CFAP92: variants seen among roughly 807,000 people sequenced by gnomAD.
The protein encoded by CFAP92 is cilia and flagella associated protein 92 (putative), also known as uncharacterized protein CFAP92.
Under a neutral mutation model 106.3 loss-of-function variants are expected in CFAP92, and 86 were observed. The ratio of observed to expected loss-of-function variants is 0.81; its 90% CI spans 0.68 to 0.97. CFAP92 has a LOEUF of 0.97. Among genes scored for constraint, CFAP92 ranks in the 50% least tolerant of loss-of-function variants. The pLI is 0.00. For synonymous variants in CFAP92, 477 were observed against 506.4 expected, an observed-to-expected ratio of 0.94 and a Z score of 0.78; for missense variants, 1,204 against 1,283.8, an observed-to-expected ratio of 0.94 and a Z score of 0.95.
At position 128,932,951 on chromosome 3, in the gene CFAP92, C is replaced by T. The variant is rs770664006; in HGVS notation, c.2500G>A (p.Val834Met). 52 of 1,536,010 alleles carry T rather than the reference C, an allele frequency of 3.4e-5. No individual in the cohort carries two copies. The highest frequency in any genetic ancestry group is 5.5e-5 in the African/African-American group (4 of 73,026). ...GCAGAGGAGGGCAGCAGGTCCCTCA[C>T]CGTCACGTCCCAGAGGGTGGTGCTG... ...YNSTTLWDVT[V>M]RDLLPSSAMI... Residue 834 changes from valine to methionine, a missense_variant, in exon 12 of 16, where the codon GTG becomes ATG. Transcript: ENST00000645291.
chr3:128,910,294 GC>G lies in CFAP92; in HGVS notation c.*4del. 6.6e-7 allele frequency: 1 copy of G among 1,508,804 alleles called. No individual in the cohort carries two copies. The highest frequency in any genetic ancestry group is 8.8e-7 in the Non-Finnish European group (1 of 1,130,426). The allele number at this position is 1,508,804 out of a possible 1,614,324, so 93.5% of individuals were successfully genotyped here. The stretch of plus-strand genomic sequence containing the variant: ...ATGCGGTGGCCGTGGGAGGGTCTGT[GC>G]TGCTCAGGAGATGGGGCTGTTCCCT... On this transcript the variant is annotated 3_prime_UTR_variant, in exon 16 of 16. Transcript: ENST00000645291.
At chr3:128,934,207 G>C (rs1250123519) in intron 11 of CFAP92, among the ~76,000 whole-genome samples, 6 of 152,214 alleles carry the variant, frequency 3.9e-5, no homozygotes, top group Non-Finnish European at 7.3e-5. Flanking sequence ...AGGCCCCCTA[G>C]AGCCAGTGTG....
Position 128,953,653 on chromosome 3 carries a change from C to T in CFAP92, c.1354-7678G>A, listed in dbSNP as rs1400379462. 1.5e-5 allele frequency among the ~76,000 whole-genome samples: 2 copies of T among 135,268 alleles called. 1 individual carries two copies. The highest frequency in any genetic ancestry group is 6.5e-5 in the African/African-American group (2 of 30,862). 88.7% of individuals were successfully genotyped at this position (135,268 alleles called of 152,430 possible). A position where few individuals can be genotyped will look rare whatever the true frequency, so the allele number is the denominator to read the frequency against. On this transcript the variant is annotated intron_variant, in intron 9 of 15. Transcript: ENST00000645291. ...TCCGTCTCCCTCTCCCCACGGTCTCCCTCTCATGCGGAGCCGAAGCTGGAC... is the reference window on the plus strand; with the variant it reads ...TCCGTCTCCCTCTCCCCACGGTCTCTCTCTCATGCGGAGCCGAAGCTGGAC...
At position 128,932,990 on chromosome 3, in the gene CFAP92, C is replaced by T. The variant is rs775281951; in HGVS notation, c.2461G>A (p.Asp821Asn). The T allele has an allele frequency of 1.1e-5, 17 of 1,535,940 alleles. No homozygotes were observed. Among genetic ancestry groups the T allele is most frequent in the South Asian group, 9.5e-5 (8 of 84,050 alleles). The change falls in exon 12 of 16, where the codon GAC becomes AAC. Residue 821 changes from aspartate (D) to asparagine (N), a missense_variant. Physicochemically the swap from Asp to Asn is conservative, Grantham distance 23 (BLOSUM62 1). Transcript: ENST00000645291. ...AGGGTGGTGCTGTTATAGCAGATGT[C>T]GTGGATCCTGGAACAAAGAACCACT... ...RVFQALARIHDICYNSTTLWD... is the reference protein window; with the variant it reads ...RVFQALARIHNICYNSTTLWD...
intron 1 of CFAP92, among the ~76,000 whole-genome samples, chr3:129,000,840 G>C (rs1944693560): frequency 6.6e-6 from 1 of 152,124 alleles, no homozygotes; most frequent in Non-Finnish European, 1.5e-5. Flanking sequence ...AACAGGGATC[G>C]GGAGAGAGCA....
At chr3:128,947,128 A>G (rs182897635) in intron 9 of CFAP92, among the ~76,000 whole-genome samples, 51 of 152,234 alleles carry the variant, frequency 3.4e-4, no homozygotes, top group Non-Finnish European at 6.0e-4. Context: ...TTAAGAAGCA[A>G]TCAGATCCCT....
At chr3:129,009,029 T>A in the CFAP92 span, among the ~76,000 whole-genome samples, 4 of 150,858 alleles carry the variant, frequency 2.7e-5, no homozygotes, top group East Asian at 7.9e-4. Context: ...GGGGCGGGAA[T>A]CTGTTGCAGT....
chr3:129,016,181 C>G, the CFAP92 span, among the ~76,000 whole-genome samples: 1 of 152,278 alleles, frequency 6.6e-6, no homozygotes, highest in East Asian at 1.9e-4. Context: ...GCAAGTTAAC[C>G]GGTCAAACAC....
upstream of CFAP92, among the ~76,000 whole-genome samples, chr3:128,997,506 T>C (rs1166777110): frequency 1.3e-5 from 2 of 152,224 alleles, no homozygotes. Flanking sequence ...CATATCTACT[T>C]TGTTTCTAAA....
chr3:128,971,294 G>A lies in CFAP92; in HGVS notation c.1161C>T (p.Leu387=), dbSNP rs775573362. Residue 387 remains leucine (L), a synonymous_variant, in exon 8 of 16, where the codon CTC becomes CTT. Transcript: ENST00000645291. The part of the protein sequence containing the change: ...AFSIQLAVMP[L]LAGWQTVVSR... ...AGGGCAAGCAGTGGGTACCGGCAAG[G>A]AGCGGCATGACGGCCAGCTGGATGG... 6.2e-7 allele frequency: 1 copy of A among 1,613,816 alleles called. No individual in the cohort carries two copies. Among genetic ancestry groups the A allele is most frequent in the Non-Finnish European group, 8.5e-7 (1 of 1,179,844 alleles).
At chr3:128,978,212 T>C in intron 4 of CFAP92, 27 bp from the exon 5 acceptor site, 2 of 1,604,400 alleles carry the variant, frequency 1.2e-6, no homozygotes, top group Non-Finnish European at 1.7e-6. Context: ...GAAAGGATCA[T>C]TGACTCAATC....
chr3:128,922,901 T>A (rs1937410766), intron 12 of CFAP92, among the ~76,000 whole-genome samples: 2 of 152,226 alleles, frequency 1.3e-5, no homozygotes, highest in Non-Finnish European at 2.9e-5. Flanking sequence ...GGATTGCTTT[T>A]TTGCTATACT....
At chr3:128,969,205 T>A (rs1039344436) in intron 8 of CFAP92, 1 of 152,076 alleles carries the variant, frequency 6.6e-6, no homozygotes, top group African/African-American at 2.4e-5. Context: ...CCACTGCCTA[T>A]CCCAAAACCT....
Position 128,965,700 on chromosome 3 carries a change from G to A in CFAP92, c.1169-5C>T, listed in dbSNP as rs1005051746. ...GACTCACGACAGTTTGCCATCCTGG[G>A]GGAAATACACCCAGCATTAGACCTT... On this transcript the variant is annotated splice_polypyrimidine_tract_variant and splice_region_variant and intron_variant, in intron 8 of 15. Coordinates refer to ENST00000645291, the MANE Select transcript of CFAP92 (RefSeq NM_001394090.1). 7.5e-6 allele frequency: 3 copies of A among 398,570 alleles called. No homozygotes were observed. Among genetic ancestry groups the A allele is most frequent in the Non-Finnish European group, 8.9e-6 (2 of 225,964 alleles). The allele number at this position is 398,570 out of a possible 1,614,324, so 24.7% of individuals were successfully genotyped here.
chr3:128,975,426 GGGATGGATGGAT>G lies in CFAP92; in HGVS notation c.1021+341_1021+352del, dbSNP rs142490124. ...ATGGATGGATGGAGATGGATGGATA[GGGATGGATGGAT>G]GGATGGATGGATGGATGGATGGATG... On this transcript the variant is annotated intron_variant, in intron 7 of 15. Coordinates refer to ENST00000645291, the MANE Select transcript of CFAP92 (RefSeq NM_001394090.1). Among the ~76,000 whole-genome samples, 291 of 149,050 alleles carry G rather than the reference GGGATGGATGGAT, an allele frequency of 2.0e-3. 5 individuals are homozygous for G. The highest frequency in any genetic ancestry group is 3.0e-3 in the South Asian group (14 of 4,606).
chr3:128,973,590 A>T (rs1276292232), intron 7 of CFAP92, among the ~76,000 whole-genome samples: 1 of 149,944 alleles, frequency 6.7e-6, no homozygotes, highest in African/African-American at 2.5e-5. Context: ...CGGGAGATGG[A>T]GGTTGTGGTG....
chr3:129,017,339 C>G, the CFAP92 span, among the ~76,000 whole-genome samples: 1 of 152,238 alleles, frequency 6.6e-6, no homozygotes, highest in African/African-American at 2.4e-5. Flanking sequence ...CTATCACAAC[C>G]ATAGCCGATC....
At chr3:129,009,122 T>C in the CFAP92 span, among the ~76,000 whole-genome samples, 1 of 152,204 alleles carries the variant, frequency 6.6e-6, no homozygotes, top group Admixed American at 6.5e-5. Flanking sequence ...GGTGTTTCAG[T>C]GGCACTTCTC....
the CFAP92 span, among the ~76,000 whole-genome samples, chr3:129,011,676 C>T: frequency 2.6e-5 from 4 of 152,218 alleles, no homozygotes; most frequent in East Asian, 5.8e-4. Flanking sequence ...GAGGAGGAGC[C>T]GTGGGCTCTC....
Sources: allele counts gnomAD v4.1 joint callset (sites outside exome capture counted in the v4.1 genomes callset), GRCh38; gene constraint gnomAD v4.1.1; transcripts MANE v1.5; gene names NCBI Gene and HGNC (gene_info 2026-07-23, HGNC 2026-07-21).